Variants in ARB2A observed in about 807,000 individuals in gnomAD.
ARB2A encodes cotranscriptional regulator ARB2A.
the ARB2A span, among the ~76,000 whole-genome samples, chr5:93,671,233 CAATT>C: frequency 2.0e-5 from 3 of 152,128 alleles, no homozygotes; most frequent in East Asian, 1.9e-4. Context: ...TCTGTTGTAT[CAATT>C]GTTACTGAGT....
the ARB2A span, among the ~76,000 whole-genome samples, chr5:93,920,092 A>G: frequency 1.3e-5 from 2 of 152,202 alleles, no homozygotes; most frequent in African/African-American, 2.4e-5. Context: ...CTGTTGTTTT[A>G]TTGAAGAATA....
chr5:93,936,879 C>T, the ARB2A span, among the ~76,000 whole-genome samples: 8 of 151,236 alleles, frequency 5.3e-5, no homozygotes, highest in Admixed American at 1.3e-4. Flanking sequence ...TTTTTAATCC[C>T]GAAATGTCAA....
chr5:93,909,658 T>C, the ARB2A span, among the ~76,000 whole-genome samples: 1 of 151,078 alleles, frequency 6.6e-6, no homozygotes, highest in Non-Finnish European at 1.5e-5. Flanking sequence ...TAATTTACTA[T>C]TTTCAAAAGC....
the ARB2A span, among the ~76,000 whole-genome samples, chr5:94,097,264 T>G: frequency 6.6e-6 from 1 of 152,208 alleles, no homozygotes; most frequent in Non-Finnish European, 1.5e-5. Flanking sequence ...AGTCACTGCC[T>G]GGCCACATAA....
At chr5:93,871,954 T>C in the ARB2A span, among the ~76,000 whole-genome samples, 2 of 149,928 alleles carry the variant, frequency 1.3e-5, no homozygotes, top group Non-Finnish European at 3.0e-5. Context: ...TTTTTCTTTT[T>C]TTTTTTTTTT....
At chr5:93,810,744 G>A in the ARB2A span, among the ~76,000 whole-genome samples, 1 of 151,986 alleles carries the variant, frequency 6.6e-6, no homozygotes, top group Admixed American at 6.6e-5. Flanking sequence ...CAAGAATCCT[G>A]CCTAATCTAG....
the ARB2A span, among the ~76,000 whole-genome samples, chr5:94,012,487 ACCTCTG>A: frequency 3.9e-5 from 6 of 152,270 alleles, no homozygotes; most frequent in East Asian, 1.2e-3. Context: ...TTACTCTTGC[ACCTCTG>A]CCTCTGCCAT....
At chr5:93,935,430 G>A in the ARB2A span, among the ~76,000 whole-genome samples, 4 of 152,130 alleles carry the variant, frequency 2.6e-5, no homozygotes, top group Non-Finnish European at 4.4e-5. Context: ...TGATGGTGCT[G>A]GTGTTGGTAG....
the ARB2A span, among the ~76,000 whole-genome samples, chr5:93,933,899 A>C: frequency 6.6e-6 from 1 of 152,202 alleles, no homozygotes; most frequent in Non-Finnish European, 1.5e-5. Flanking sequence ...CCAGCTCCTC[A>C]GGAGGCTGAT....
chr5:93,761,801 C>A, the ARB2A span, among the ~76,000 whole-genome samples: 739 of 152,292 alleles, frequency 4.9e-3, 3 homozygotes, highest in Non-Finnish European at 4.3e-3. Flanking sequence ...CTGGGAGGCA[C>A]CCCCGAGTAG....
chr5:93,740,940 C>T, the ARB2A span: 1 of 1,613,998 alleles, frequency 6.2e-7, no homozygotes. Flanking sequence ...ACTTCCCAGA[C>T]TGTTGCAGGA....
At chr5:94,054,837 T>G in the ARB2A span, among the ~76,000 whole-genome samples, 1 of 152,216 alleles carries the variant, frequency 6.6e-6, no homozygotes, top group Non-Finnish European at 1.5e-5. Flanking sequence ...GGACACTTAT[T>G]GTATACTTTA....
chr5:93,787,394 G>A, the ARB2A span, among the ~76,000 whole-genome samples: 1 of 152,132 alleles, frequency 6.6e-6, no homozygotes, highest in South Asian at 2.1e-4. Flanking sequence ...GATATACATT[G>A]TAAAGTTACA....
chr5:93,690,776 G>A, the ARB2A span, among the ~76,000 whole-genome samples: 1 of 152,160 alleles, frequency 6.6e-6, no homozygotes, highest in African/African-American at 2.4e-5. Flanking sequence ...TCCCAGCAGG[G>A]GTTGATAGAC....
At chr5:94,074,545 T>A in the ARB2A span, 3 of 862,470 alleles carry the variant, frequency 3.5e-6, no homozygotes, top group Non-Finnish European at 5.3e-6. Context: ...GGTACTTATA[T>A]TCTTATTTTA....
the ARB2A span, among the ~76,000 whole-genome samples, chr5:94,089,594 TACACACACACACACAC>T: frequency 3.5e-4 from 48 of 135,662 alleles, no homozygotes; most frequent in African/African-American, 5.6e-4. Flanking sequence ...AAACCGTTTA[TACACACACACACACAC>T]ACACACACAC....
chr5:93,902,938 C>A, the ARB2A span, among the ~76,000 whole-genome samples: 89 of 152,230 alleles, frequency 5.8e-4, 1 homozygote, highest in South Asian at 6.6e-3. Flanking sequence ...GGGCTGCTCC[C>A]ACACAAGTGC....
chr5:94,010,517 TC>T, the ARB2A span, among the ~76,000 whole-genome samples: 1 of 152,140 alleles, frequency 6.6e-6, no homozygotes, highest in Non-Finnish European at 1.5e-5. Flanking sequence ...AACTTTTCTT[TC>T]CTTAGCTTCA....
chr5:93,643,139 G>A, the ARB2A span, among the ~76,000 whole-genome samples: 1 of 152,150 alleles, frequency 6.6e-6, no homozygotes, highest in Non-Finnish European at 1.5e-5. Flanking sequence ...AAAGTATTGT[G>A]TAACAGAAAG....
Sources: allele counts gnomAD v4.1 joint callset (sites outside exome capture counted in the v4.1 genomes callset), GRCh38; gene constraint gnomAD v4.1.1; transcripts MANE v1.5; gene names NCBI Gene and HGNC (gene_info 2026-07-23, HGNC 2026-07-21).